Variants in TMC1 observed in about 807,000 individuals in gnomAD.
TMC1 encodes the protein transmembrane channel like 1.
In TMC1, 84 loss-of-function variants were observed where a neutral mutation model predicts 105.8. The observed-to-expected ratio is 0.79, with a 90% CI of 0.67 to 0.95. The LOEUF is 0.95. TMC1 is among the 40% of genes least tolerant of loss of function. TMC1 has a pLI of 0.00. For missense variants in TMC1, 817 were observed against 914.1 expected (o/e 0.89, Z 1.37); for synonymous variants, 315 against 311.5 (o/e 1.01, Z -0.12).
chr9:72,715,144 G>T (rs924939663), intron 8 of TMC1, among the ~76,000 whole-genome samples: 2 of 152,140 alleles, frequency 1.3e-5, no homozygotes, highest in Non-Finnish European at 2.9e-5. Flanking sequence ...TTAGTCTGAT[G>T]GGCTTCCCTT....
intron 2 of TMC1, among the ~76,000 whole-genome samples, chr9:72,584,843 G>A (rs184687760): frequency 0.012 from 1,689 of 143,780 alleles, 18 homozygotes; most frequent in Middle Eastern, 0.022. Context: ...GGAGTGCAGT[G>A]ACACAATCTT....
chr9:72,534,857 T>A (rs1045127799), intron 1 of TMC1, among the ~76,000 whole-genome samples: 1 of 152,218 alleles, frequency 6.6e-6, no homozygotes, highest in Non-Finnish European at 1.5e-5. Flanking sequence ...ATAATGTAGT[T>A]GGCAGCCTGT....
At chr9:72,534,584 A>G (rs960395341) in intron 1 of TMC1, among the ~76,000 whole-genome samples, 2 of 152,214 alleles carry the variant, frequency 1.3e-5, no homozygotes, top group South Asian at 4.1e-4. Flanking sequence ...GAATCTATAT[A>G]TTATTTTGGC....
intron 1 of TMC1, among the ~76,000 whole-genome samples, chr9:72,572,039 T>C (rs1234743324): frequency 6.6e-6 from 1 of 152,190 alleles, no homozygotes; most frequent in Non-Finnish European, 1.5e-5. Context: ...TTTCTCCATG[T>C]TGGTCAAGCT....
chr9:72,791,824 G>C, intron 15 of TMC1, 62 bp from the exon 16 acceptor site: 1 of 1,461,752 alleles, frequency 6.8e-7, no homozygotes, highest in Admixed American at 1.7e-5. Flanking sequence ...CAAAATTCTG[G>C]CAAAAAGCAA....
intron 5 of TMC1, among the ~76,000 whole-genome samples, chr9:72,686,713 AAAG>A (rs1564491007): frequency 6.6e-6 from 1 of 152,222 alleles, no homozygotes; most frequent in African/African-American, 2.4e-5. Context: ...GCTGTTAAGC[AAAG>A]AAGGCACCTA....
At chr9:72,748,027 T>G (rs994876971) in intron 10 of TMC1, among the ~76,000 whole-genome samples, 2 of 152,258 alleles carry the variant, frequency 1.3e-5, no homozygotes, top group Non-Finnish European at 2.9e-5. Context: ...ATGGATATTA[T>G]CTATACCTAT....
chr9:72,750,883 A>AAGT (rs1392809931), intron 10 of TMC1, among the ~76,000 whole-genome samples: 1 of 152,122 alleles, frequency 6.6e-6, no homozygotes, highest in Non-Finnish European at 1.5e-5. Context: ...CAGTAGTCCC[A>AAGT]AGCCCTTGCC....
chr9:72,797,392 AAAG>A lies in TMC1; in HGVS notation c.1566+5042_1566+5044del, dbSNP rs367709930. Reference sequence around the variant, plus strand: ...ATTTTAAAATTCCTATGGAACCAAAAAAGAGCTCGTATAGCCAAGACAATCCAA... The same window carrying A: ...ATTTTAAAATTCCTATGGAACCAAAAAGCTCGTATAGCCAAGACAATCCAA... On this transcript the variant is annotated intron_variant, in intron 17 of 23. Coordinates refer to ENST00000297784, the MANE Select transcript of TMC1 (RefSeq NM_138691.3). Among the ~76,000 whole-genome samples the A allele has an allele frequency of 3.6e-3, 544 of 152,344 alleles. 3 individuals carry two copies. Among genetic ancestry groups the A allele is most frequent in the African/African-American group, 0.012 (502 of 41,582 alleles).
chr9:72,549,443 GT>G (rs911845896), intron 1 of TMC1, among the ~76,000 whole-genome samples: 5 of 147,520 alleles, frequency 3.4e-5, no homozygotes, highest in African/African-American at 5.0e-5. Context: ...AATTTTATGT[GT>G]TTTTTTTTTC....
chr9:72,763,116 A>G (rs1016914919), intron 12 of TMC1, among the ~76,000 whole-genome samples: 1 of 120,888 alleles, frequency 8.3e-6, no homozygotes, highest in African/African-American at 3.1e-5. Flanking sequence ...TTGCTTTAGT[A>G]ACACATTTTA....
chr9:72,624,581 C>T (rs1439438419), intron 3 of TMC1, among the ~76,000 whole-genome samples: 1 of 152,192 alleles, frequency 6.6e-6, no homozygotes, highest in Non-Finnish European at 1.5e-5. Flanking sequence ...TTTCCCTTTA[C>T]CTCTCTTCTT....
intron 10 of TMC1, among the ~76,000 whole-genome samples, chr9:72,744,036 C>T (rs1356094936): frequency 6.6e-6 from 1 of 152,152 alleles, no homozygotes; most frequent in Non-Finnish European, 1.5e-5. Flanking sequence ...GATAACACAG[C>T]TGATGGATAG....
chr9:72,650,063 ATG>A lies in TMC1; in HGVS notation c.16+1401_16+1402del, dbSNP rs1274853821. Among the ~76,000 whole-genome samples, 6 of 152,204 alleles carry A rather than the reference ATG, an allele frequency of 3.9e-5. 1 individual carries two copies. The highest frequency in any genetic ancestry group is 7.2e-5 in the African/African-American group (3 of 41,468). ...TTTAACAGCTTTATTTTAATTATGA[ATG>A]TAATATATGCTGTTGCAGAAAATAT... is the stretch of plus-strand genomic sequence containing the variant. On this transcript the variant is annotated intron_variant, in intron 5 of 23. Coordinates refer to ENST00000297784, the MANE Select transcript of TMC1 (RefSeq NM_138691.3).
chr9:72,609,213 CTT>C (rs1824981486), intron 2 of TMC1, among the ~76,000 whole-genome samples: 1 of 149,242 alleles, frequency 6.7e-6, no homozygotes, highest in Non-Finnish European at 1.5e-5. Flanking sequence ...TCCTTCCTTC[CTT>C]CCTTCCTTCC....
chr9:72,648,142 T>C (rs1463420110), intron 4 of TMC1, among the ~76,000 whole-genome samples: 1 of 152,238 alleles, frequency 6.6e-6, no homozygotes, highest in Non-Finnish European at 1.5e-5. Context: ...CTTTGCTGCT[T>C]AAACCCAAAC....
intron 12 of TMC1, among the ~76,000 whole-genome samples, chr9:72,755,326 T>G (rs2118070414): frequency 6.6e-6 from 1 of 152,332 alleles, no homozygotes; most frequent in Non-Finnish European, 1.5e-5. Flanking sequence ...GTTGGATTCC[T>G]AGGGAATTAA....
chr9:72,828,129 T>C lies in TMC1; in HGVS notation c.2129+1135T>C, dbSNP rs1398479009. Among the ~76,000 whole-genome samples the C allele has an allele frequency of 5.9e-5, 9 of 152,322 alleles. No homozygotes were observed. In the East Asian group the frequency reaches 1.5e-3, roughly 26 times the overall value. ...CACTTCTTTATACTGCGAGGCTTTC[T>C]GTGAGGGAGAGCTAATAACCTGTAG... On this transcript the variant is annotated intron_variant, in intron 21 of 23. Transcript: ENST00000297784.
intron 19 of TMC1, among the ~76,000 whole-genome samples, chr9:72,819,949 T>A (rs1440406113): frequency 6.6e-6 from 1 of 152,214 alleles, no homozygotes; most frequent in Admixed American, 6.5e-5. Flanking sequence ...AGAGTGAAAC[T>A]TATTTTGTTG....
Sources: gnomAD v4.1 joint callset for allele counts (sites outside exome capture counted in the v4.1 genomes callset) on GRCh38, gnomAD v4.1.1 for gene constraint, MANE v1.5 for transcripts, NCBI Gene and HGNC (gene_info 2026-07-23, HGNC 2026-07-21) for gene names.